RASGRF1: variants seen among roughly 807,000 people sequenced by gnomAD.
The protein encoded by RASGRF1 is Ras protein specific guanine nucleotide releasing factor 1, also known as ras-specific guanine nucleotide-releasing factor 1.
Under a neutral mutation model 138.7 loss-of-function variants are expected in RASGRF1, and 40 were observed. That is an observed-to-expected ratio of 0.29 (90% CI 0.22 to 0.38). The LOEUF (loss-of-function observed/expected upper bound fraction) is 0.38. Among genes scored for constraint, RASGRF1 ranks in the 10% least tolerant of loss-of-function variants. RASGRF1 has a pLI of 1.00. For missense variants in RASGRF1, 1,108 were observed against 1,650.4 expected, an observed-to-expected ratio of 0.67 and a Z score of 5.69; for synonymous variants, 614 against 663.2, an observed-to-expected ratio of 0.93 and a Z score of 1.14.
intron 20 of RASGRF1, among the ~76,000 whole-genome samples, chr15:78,992,593 T>C (rs1008011386): frequency 6.6e-6 from 1 of 152,020 alleles, no homozygotes; most frequent in Non-Finnish European, 1.5e-5. Flanking sequence ...GGGAGGAGCC[T>C]GTTAGGAACA....
intron 22 of RASGRF1, among the ~76,000 whole-genome samples, chr15:78,988,832 G>C (rs1253017579): frequency 7.7e-6 from 1 of 129,174 alleles, no homozygotes; most frequent in Non-Finnish European, 1.6e-5. Flanking sequence ...GAAGTTGCTG[G>C]GAGGGAGTTT....
chr15:79,025,084 G>A (rs1018306831), intron 10 of RASGRF1, among the ~76,000 whole-genome samples: 2 of 151,928 alleles, frequency 1.3e-5, no homozygotes, highest in Admixed American at 6.5e-5. Context: ...GGAATCTGAA[G>A]CCCTCGATTC....
intron 6 of RASGRF1, among the ~76,000 whole-genome samples, chr15:79,034,153 G>A (rs1298785245): frequency 6.6e-6 from 1 of 152,234 alleles, no homozygotes; most frequent in Non-Finnish European, 1.5e-5. Context: ...GAGCTCTGGA[G>A]AGCCAGGCCT....
chr15:79,015,284 C>A (rs763108588), intron 13 of RASGRF1, 43 bp downstream of exon 13: 6 of 1,560,534 alleles, frequency 3.8e-6, no homozygotes, highest in Admixed American at 1.7e-5. Context: ...GGTACTCAGT[C>A]TCTGGAATGC....
At chr15:79,080,135 T>C (rs1423495512) in intron 1 of RASGRF1, among the ~76,000 whole-genome samples, 1 of 152,256 alleles carries the variant, frequency 6.6e-6, no homozygotes, top group African/African-American at 2.4e-5. Context: ...AATGACTATC[T>C]CATAACTAGC....
chr15:79,080,028 C>T (rs1477894406), intron 1 of RASGRF1, among the ~76,000 whole-genome samples: 2 of 152,244 alleles, frequency 1.3e-5, no homozygotes, highest in Non-Finnish European at 2.9e-5. Context: ...CCTCTGCCCT[C>T]GAGGTCATCA....
intron 13 of RASGRF1, among the ~76,000 whole-genome samples, chr15:79,009,418 A>G (rs1175042218): frequency 6.6e-6 from 1 of 152,182 alleles, no homozygotes; most frequent in Non-Finnish European, 1.5e-5. Context: ...GGGCTCAGTA[A>G]CTGTCTCTCA....
At chr15:79,064,592 T>C in intron 1 of RASGRF1, 66 bp from the exon 2 acceptor site, 1 of 1,487,936 alleles carries the variant, frequency 6.7e-7, no homozygotes, top group Non-Finnish European at 9.4e-7. Context: ...ACTCTTGCAA[T>C]CAATCTAGCT....
chr15:79,087,893 T>C (rs1399066568), intron 1 of RASGRF1, among the ~76,000 whole-genome samples: 1 of 152,240 alleles, frequency 6.6e-6, no homozygotes, highest in African/African-American at 2.4e-5. Context: ...CAGACCATCA[T>C]CTGCTACTTT....
rs904651982 is a variant in RASGRF1 at position 79,090,561 on chromosome 15, C to G, written c.-63G>C. ...CTTCTCCGCGCAGCAGCCCCCCGTC[C>G]GTGCGCGCTGCGCGCTGCCTCTCTC... On this transcript the variant is annotated 5_prime_UTR_variant, in exon 1 of 27. Transcript: ENST00000558480. The G allele has an allele frequency of 1.3e-6, 2 of 1,572,780 alleles. No individual in the cohort carries two copies. Among genetic ancestry groups the G allele is most frequent in the East Asian group, 2.3e-5 (1 of 44,404 alleles).
At chr15:79,023,801 T>A (rs1184643624) in intron 10 of RASGRF1, among the ~76,000 whole-genome samples, 3 of 152,062 alleles carry the variant, frequency 2.0e-5, no homozygotes, top group Non-Finnish European at 2.9e-5. Context: ...AGAAGGTCAC[T>A]GGAAGGGGCT....
intron 8 of RASGRF1, among the ~76,000 whole-genome samples, chr15:79,030,384 G>A (rs1330123717): frequency 1.3e-5 from 2 of 152,240 alleles, no homozygotes; most frequent in African/African-American, 2.4e-5. Flanking sequence ...GCATACCCCC[G>A]GGCTCAGCTT....
intron 24 of RASGRF1, among the ~76,000 whole-genome samples, chr15:78,975,858 G>T (rs998831135): frequency 2.6e-5 from 4 of 152,150 alleles, no homozygotes; most frequent in African/African-American, 9.7e-5. Flanking sequence ...CAAGTCTGAA[G>T]CCCAGGCTTA....
At chr15:79,019,898 T>C in intron 11 of RASGRF1, 143 bp downstream of exon 11, 1 of 908,608 alleles carries the variant, frequency 1.1e-6, no homozygotes, top group African/African-American at 1.6e-5. Context: ...GGTGTGTGCA[T>C]GAGGGCATGT....
chr15:78,967,419 A>G (rs1182318300), intron 26 of RASGRF1, among the ~76,000 whole-genome samples: 1 of 152,050 alleles, frequency 6.6e-6, no homozygotes, highest in Non-Finnish European at 1.5e-5. Context: ...GTAATGGTGA[A>G]CACCTGCAGT....
intron 7 of RASGRF1, 54 bp from the exon 8 acceptor site, chr15:79,031,563 G>T: frequency 1.5e-6 from 2 of 1,311,000 alleles, no homozygotes; most frequent in Non-Finnish European, 1.1e-6. Context: ...AAGTATGGCC[G>T]GGGAGCAAGG....
chr15:78,995,776 ACCTG>A lies in RASGRF1; in HGVS notation c.2987_2990del (p.Pro996LeufsTer17). 1 of 1,614,136 alleles carries A rather than the reference ACCTG, an allele frequency of 6.2e-7. No homozygotes were observed. Among genetic ancestry groups the A allele is most frequent in the Non-Finnish European group, 8.5e-7 (1 of 1,180,026 alleles). ...TCTCCTCCAGCGTGATCTGGTTGTC[ACCTG>A]GGTCCTCCTGGGTCAGAGTCCTAGG... is the stretch of plus-strand genomic sequence containing the variant. On this transcript the variant is annotated frameshift_variant, in exon 20 of 27. Coordinates refer to ENST00000558480, the MANE Select transcript of RASGRF1 (RefSeq NM_001145648.3). LOFTEE classifies it high-confidence loss of function.
rs2057414493 is a variant in RASGRF1, at chr15:79,050,379, T to C, written c.532-791A>G. Reference sequence around the variant, plus strand: ...TTCCCTTGTGTGTGTAGACCACATTTTATTTATCCATTCCCCCTTTGATGG... The same window carrying C: ...TTCCCTTGTGTGTGTAGACCACATTCTATTTATCCATTCCCCCTTTGATGG... On this transcript the variant is annotated intron_variant, in intron 3 of 26. Transcript: ENST00000558480. This position sits in a 1 kb window ranked among gnomAD's most constrained non-coding sequence, Gnocchi z 4.1. 6.6e-6 allele frequency among the ~76,000 whole-genome samples: 1 copy of C among 152,222 alleles called. No individual in the cohort carries two copies. The highest frequency in any genetic ancestry group is 1.5e-5 in the Non-Finnish European group (1 of 68,036).
chr15:79,019,243 A>G (rs1168507254), intron 11 of RASGRF1, among the ~76,000 whole-genome samples: 1 of 152,196 alleles, frequency 6.6e-6, no homozygotes, highest in Non-Finnish European at 1.5e-5. Context: ...AGGGCAGGGC[A>G]TCCAGAGACA....
Sources: allele counts gnomAD v4.1 joint callset (sites outside exome capture counted in the v4.1 genomes callset), GRCh38; gene constraint gnomAD v4.1.1; non-coding constraint Gnocchi (gnomAD v3.1); transcripts MANE v1.5; gene names NCBI Gene and HGNC (gene_info 2026-07-23, HGNC 2026-07-21).